The following CTNND2 variants were observed in gnomAD, a reference collection of about 807,000 sequenced individuals.
CTNND2 encodes catenin delta-2.
In CTNND2, 22 loss-of-function variants were observed where a neutral mutation model predicts 144.4. The observed-to-expected ratio is 0.15, with a 90% CI of 0.11 to 0.22. The LOEUF (loss-of-function observed/expected upper bound fraction) is 0.22, where lower values mean the gene tolerates loss of function less well. Among genes scored for constraint, CTNND2 ranks in the 10% least tolerant of loss-of-function variants. CTNND2 has a pLI of 1.00. For synonymous variants in CTNND2, 751 were observed against 695.6 expected (o/e 1.08, Z -1.25); for missense variants, 1,353 against 1,618.8 (o/e 0.84, Z 2.82).
chr5:11,279,812 A>AAG (rs937492701), intron 9 of CTNND2, among the ~76,000 whole-genome samples: 30 of 152,128 alleles, frequency 2.0e-4, no homozygotes, highest in Middle Eastern at 3.4e-3. Flanking sequence ...AAGCAGGAGC[A>AAG]AGAGAGAGAG....
At chr5:11,814,775 T>C (rs2126917399) in intron 1 of CTNND2, among the ~76,000 whole-genome samples, 1 of 152,268 alleles carries the variant, frequency 6.6e-6, no homozygotes, top group South Asian at 2.1e-4. Context: ...CAAAATAAAA[T>C]AAAACATCAA....
At chr5:11,291,142 A>G (rs1037447590) in intron 9 of CTNND2, among the ~76,000 whole-genome samples, 1 of 152,084 alleles carries the variant, frequency 6.6e-6, no homozygotes, top group African/African-American at 2.4e-5. Flanking sequence ...TGCGGTCCAT[A>G]TCTACCCTGG....
Position 11,231,317 on chromosome 5 carries a change from G to A in CTNND2, c.1761+5374C>T, listed in dbSNP as rs371801022. 1.1e-4 allele frequency among the ~76,000 whole-genome samples: 17 copies of A among 152,214 alleles called. No homozygotes were observed. The East Asian group carries it at 3.3e-3, about 29-fold the overall frequency. ...AAACATGGAAGCGTCTTTGAAACTAGGTAATGGGCAGAGGTTGGAACAGTT... is the reference window on the plus strand; with the variant it reads ...AAACATGGAAGCGTCTTTGAAACTAAGTAATGGGCAGAGGTTGGAACAGTT... On this transcript the variant is annotated intron_variant, in intron 10 of 21. Transcript: ENST00000304623.
At chr5:11,859,040 A>C (rs1280287439) in intron 1 of CTNND2, among the ~76,000 whole-genome samples, 2 of 152,264 alleles carry the variant, frequency 1.3e-5, no homozygotes, top group African/African-American at 2.4e-5. Context: ...GTTAATTGGA[A>C]AAACCCAATG....
intron 1 of CTNND2, among the ~76,000 whole-genome samples, chr5:11,849,035 A>G (rs1794887284): frequency 6.6e-6 from 1 of 152,150 alleles, no homozygotes; most frequent in Non-Finnish European, 1.5e-5. Context: ...GTATTGGTCC[A>G]TTTTCAGGGT....
intron 3 of CTNND2, among the ~76,000 whole-genome samples, chr5:11,532,865 G>C (rs1356988360): frequency 6.6e-6 from 1 of 152,216 alleles, no homozygotes; most frequent in Non-Finnish European, 1.5e-5. Context: ...AGGGTTACTT[G>C]TTGTTTCTCC....
chr5:11,840,958 A>AACT (rs1794438464), intron 1 of CTNND2, among the ~76,000 whole-genome samples: 1 of 152,170 alleles, frequency 6.6e-6, no homozygotes, highest in Admixed American at 6.5e-5. Flanking sequence ...ATGTTGATAA[A>AACT]ACTACTATAA....
In CTNND2 at chr5:11,354,154, C is replaced by T. The variant is rs1260037981; in HGVS notation, c.1373-7527G>A. On this transcript the variant is annotated intron_variant, in intron 8 of 21. Coordinates refer to ENST00000304623, the MANE Select transcript of CTNND2 (RefSeq NM_001332.4). ...ATTATTCATGTGGTTTCACACGAGG[C>T]TCAACAATGTGGTGATAGAGCTGGT... 2.0e-5 allele frequency among the ~76,000 whole-genome samples: 3 copies of T among 152,126 alleles called. No homozygotes were observed. The East Asian group carries it at 5.8e-4, about 29-fold the overall frequency.
intron 10 of CTNND2, among the ~76,000 whole-genome samples, chr5:11,224,348 G>A (rs1740104993): frequency 6.6e-6 from 1 of 152,082 alleles, no homozygotes; most frequent in South Asian, 2.1e-4. Flanking sequence ...GCTCACTGTG[G>A]ATCACATATC....
chr5:11,012,439 C>A (rs1341907697), intron 18 of CTNND2, among the ~76,000 whole-genome samples: 1 of 152,200 alleles, frequency 6.6e-6, no homozygotes, highest in Admixed American at 6.5e-5. Flanking sequence ...CTAAGAATAG[C>A]CAGAGACCAT....
chr5:11,387,900 T>C (rs1759252402), intron 6 of CTNND2, among the ~76,000 whole-genome samples: 1 of 152,168 alleles, frequency 6.6e-6, no homozygotes, highest in Non-Finnish European at 1.5e-5. Flanking sequence ...CCTTAATGCT[T>C]TTTACAAATA....
At chr5:11,150,076 G>T (rs555035990) in intron 12 of CTNND2, among the ~76,000 whole-genome samples, 60 of 152,246 alleles carry the variant, frequency 3.9e-4, no homozygotes, top group African/African-American at 1.4e-3. Flanking sequence ...GGGGCCCCAC[G>T]GGGCTGTGCA....
intron 3 of CTNND2, among the ~76,000 whole-genome samples, chr5:11,527,243 A>T (rs991224790): frequency 4.6e-5 from 7 of 151,476 alleles, no homozygotes; most frequent in South Asian, 4.2e-4. Flanking sequence ...TTACCACAAT[A>T]AAAAAAAAGA....
At chr5:11,439,124 G>C (rs1764022574) in intron 3 of CTNND2, among the ~76,000 whole-genome samples, 1 of 152,050 alleles carries the variant, frequency 6.6e-6, no homozygotes. Context: ...CTCATTTCCT[G>C]AAAAGGCCAA....
rs144232319 is a variant in CTNND2, at chr5:11,239,949, C to T, written c.1629-3126G>A. Among the ~76,000 whole-genome samples, 669 of 152,290 alleles carry T rather than the reference C, an allele frequency of 4.4e-3. 7 individuals are homozygous for T. Among genetic ancestry groups the T allele is most frequent in the African/African-American group, 0.015 (630 of 41,552 alleles). ...TGTTGGTCATCTTTGTCAGCTGGCT[C>T]CTACAGTTCTCCCTGACACCAGATG... On this transcript the variant is annotated intron_variant, in intron 9 of 21. Coordinates refer to ENST00000304623, the MANE Select transcript of CTNND2 (RefSeq NM_001332.4).
At chr5:11,252,716 C>G (rs1743787778) in intron 9 of CTNND2, among the ~76,000 whole-genome samples, 2 of 152,188 alleles carry the variant, frequency 1.3e-5, no homozygotes, top group Admixed American at 1.3e-4. Flanking sequence ...ACCACAGGCT[C>G]TCTTCAGAGC....
chr5:11,884,058 T>C (rs558547862), intron 1 of CTNND2, among the ~76,000 whole-genome samples: 24 of 152,314 alleles, frequency 1.6e-4, no homozygotes, highest in African/African-American at 5.8e-4. Flanking sequence ...TTAAGTTCCC[T>C]GTAGATTCTG....
At chr5:11,675,985 C>T (rs1784152842) in intron 2 of CTNND2, among the ~76,000 whole-genome samples, 1 of 151,800 alleles carries the variant, frequency 6.6e-6, no homozygotes, top group Admixed American at 6.6e-5. Context: ...TGCATTTGAG[C>T]TCTGATAAGG....
intron 10 of CTNND2, among the ~76,000 whole-genome samples, chr5:11,228,776 G>A (rs754711445): frequency 6.6e-5 from 10 of 152,116 alleles, no homozygotes; most frequent in African/African-American, 1.4e-4. Context: ...CACCACACCC[G>A]GCCAGATTCC....
Sources: gnomAD v4.1 joint callset for allele counts (sites outside exome capture counted in the v4.1 genomes callset) on GRCh38, gnomAD v4.1.1 for gene constraint, MANE v1.5 for transcripts, NCBI Gene and HGNC (gene_info 2026-07-23, HGNC 2026-07-21) for gene names.